SCHIP1: variants seen among roughly 807,000 people sequenced by gnomAD.
The protein encoded by SCHIP1 is schwannomin interacting protein 1, also known as schwannomin-interacting protein 1.
In SCHIP1, 8 loss-of-function variants were observed where a neutral mutation model predicts 29.7. That is an observed-to-expected ratio of 0.27 (90% confidence interval 0.16 to 0.49). The LOEUF is 0.49. Among genes scored for constraint, SCHIP1 ranks in the 20% least tolerant of loss-of-function variants. The pLI is 0.99. For missense variants in SCHIP1, 193 were observed against 294.6 expected, an observed-to-expected ratio of 0.66 and a Z score of 2.52; for synonymous variants, 76 against 94.9, an observed-to-expected ratio of 0.80 and a Z score of 1.16.
At chr3:159,394,222 A>G in the SCHIP1 span, among the ~76,000 whole-genome samples, 1 of 150,604 alleles carries the variant, frequency 6.6e-6, no homozygotes, top group Middle Eastern at 3.4e-3. Context: ...GGGCTGAGAC[A>G]ATGGGGTTTT....
chr3:159,883,379 G>T (rs555260860), intron 2 of SCHIP1, among the ~76,000 whole-genome samples: 1 of 152,074 alleles, frequency 6.6e-6, no homozygotes, highest in African/African-American at 2.4e-5. Context: ...GAGGCCCGGG[G>T]AACTGTGGTT....
the SCHIP1 span, among the ~76,000 whole-genome samples, chr3:159,804,508 T>G: frequency 6.6e-6 from 1 of 152,246 alleles, no homozygotes; most frequent in Admixed American, 6.5e-5. Context: ...CAGTTTTTCT[T>G]CCCCAGTTAA....
the SCHIP1 span, among the ~76,000 whole-genome samples, chr3:159,658,196 C>T: frequency 1.3e-5 from 2 of 152,082 alleles, no homozygotes; most frequent in Non-Finnish European, 2.9e-5. Flanking sequence ...AACTGATGTT[C>T]TTCCCAATTC....
the SCHIP1 span, among the ~76,000 whole-genome samples, chr3:159,763,101 G>A: frequency 1.3e-5 from 2 of 152,168 alleles, no homozygotes; most frequent in Non-Finnish European, 2.9e-5. Context: ...CGGAGGGGAA[G>A]GGAAACGTGA....
the SCHIP1 span, among the ~76,000 whole-genome samples, chr3:159,574,335 TTC>T: frequency 1.4e-3 from 214 of 152,292 alleles, 1 homozygote; most frequent in African/African-American, 4.7e-3. Flanking sequence ...TGCTATTCCT[TTC>T]TGTTAGTTTT....
the SCHIP1 span, among the ~76,000 whole-genome samples, chr3:159,582,024 T>G: frequency 6.6e-6 from 1 of 152,188 alleles, no homozygotes; most frequent in African/African-American, 2.4e-5. Flanking sequence ...ATGAGTTATA[T>G]TTACATAATA....
the SCHIP1 span, among the ~76,000 whole-genome samples, chr3:159,632,096 G>A: frequency 6.6e-6 from 1 of 152,096 alleles, no homozygotes; most frequent in Non-Finnish European, 1.5e-5. Context: ...GGAATGGAGA[G>A]GCCATCATCT....
the SCHIP1 span, among the ~76,000 whole-genome samples, chr3:159,332,366 C>CT: frequency 1.3e-5 from 2 of 152,122 alleles, no homozygotes; most frequent in African/African-American, 4.8e-5. Flanking sequence ...GATCGCAGAC[C>CT]TAATAAATGA....
At chr3:159,397,393 C>T in the SCHIP1 span, among the ~76,000 whole-genome samples, 57 of 152,284 alleles carry the variant, frequency 3.7e-4, no homozygotes, top group Admixed American at 1.4e-3. Context: ...GGAGGAGAGG[C>T]GCTCTGCTTT....
the SCHIP1 span, among the ~76,000 whole-genome samples, chr3:159,375,353 T>A: frequency 1.3e-5 from 2 of 152,186 alleles, no homozygotes; most frequent in African/African-American, 4.8e-5. Flanking sequence ...GAGGCAACCT[T>A]CAGTCAGGTG....
the SCHIP1 span, among the ~76,000 whole-genome samples, chr3:159,743,376 T>C: frequency 6.6e-6 from 1 of 152,194 alleles, no homozygotes; most frequent in Non-Finnish European, 1.5e-5. Context: ...ATCCATACCA[T>C]GGAATACTAG....
At chr3:159,611,787 T>C in the SCHIP1 span, among the ~76,000 whole-genome samples, 2 of 152,242 alleles carry the variant, frequency 1.3e-5, no homozygotes, top group South Asian at 4.1e-4. Flanking sequence ...TGAACTGCAG[T>C]GAACTGAAGA....
At chr3:159,336,114 A>G in the SCHIP1 span, among the ~76,000 whole-genome samples, 1 of 152,052 alleles carries the variant, frequency 6.6e-6, no homozygotes, top group Non-Finnish European at 1.5e-5. Context: ...GCATTTTTTC[A>G]TGTGTCTTTT....
At chr3:159,344,834 G>T in the SCHIP1 span, among the ~76,000 whole-genome samples, 1 of 152,162 alleles carries the variant, frequency 6.6e-6, no homozygotes, top group Non-Finnish European at 1.5e-5. Flanking sequence ...TGTGACAAAC[G>T]TATCATACTA....
chr3:159,495,485 C>A, the SCHIP1 span, among the ~76,000 whole-genome samples: 129 of 152,294 alleles, frequency 8.5e-4, 1 homozygote, highest in African/African-American at 3.0e-3. Flanking sequence ...AGAGCCAAAT[C>A]ATGAGTGAAC....
chr3:159,632,751 G>A, the SCHIP1 span, among the ~76,000 whole-genome samples: 1 of 152,164 alleles, frequency 6.6e-6, no homozygotes, highest in Non-Finnish European at 1.5e-5. Context: ...AACTGCCAGG[G>A]GAGGACGGAC....
chr3:159,310,071 A>T, the SCHIP1 span, among the ~76,000 whole-genome samples: 1 of 152,162 alleles, frequency 6.6e-6, no homozygotes, highest in South Asian at 2.1e-4. Flanking sequence ...CTCAAATGTG[A>T]GAGCTGGTGC....
the SCHIP1 span, among the ~76,000 whole-genome samples, chr3:159,466,427 G>A: frequency 2.1e-4 from 32 of 152,198 alleles, no homozygotes; most frequent in African/African-American, 5.8e-4. Flanking sequence ...TTCCGAATGT[G>A]TACAAAGGGG....
chr3:159,700,992 A>C, the SCHIP1 span, among the ~76,000 whole-genome samples: 1 of 152,164 alleles, frequency 6.6e-6, no homozygotes, highest in East Asian at 1.9e-4. Context: ...AACCTCTATG[A>C]GACTCAGTTT....
Sources: gnomAD v4.1 joint callset for allele counts (sites outside exome capture counted in the v4.1 genomes callset) on GRCh38, gnomAD v4.1.1 for gene constraint, MANE v1.5 for transcripts, NCBI Gene and HGNC (gene_info 2026-07-23, HGNC 2026-07-21) for gene names.